SGCZ: variants seen among roughly 807,000 people sequenced by gnomAD.
SGCZ encodes the protein zeta-sarcoglycan.
A neutral mutation model predicts 41.3 loss-of-function variants in SGCZ; 40 were observed. The observed-to-expected ratio is 0.97, with a 90% CI of 0.75 to 1.26. SGCZ has a LOEUF of 1.26. Ranked by LOEUF, SGCZ falls within the 50% of genes most tolerant of loss-of-function variation. SGCZ has a pLI of 0.00. For synonymous variants in SGCZ, 206 were observed against 137.5 expected, an observed-to-expected ratio of 1.50 and a Z score of -3.49; for missense variants, 552 against 369.8, an observed-to-expected ratio of 1.49 and a Z score of -4.04.
intron 1 of SGCZ, among the ~76,000 whole-genome samples, chr8:14,902,885 C>A (rs1179542192): frequency 6.6e-6 from 1 of 151,998 alleles, no homozygotes; most frequent in East Asian, 1.9e-4. Context: ...ATATTTATTT[C>A]TAATGAATAT....
chr8:15,145,759 T>C (rs1799019496), intron 1 of SGCZ, among the ~76,000 whole-genome samples: 1 of 152,182 alleles, frequency 6.6e-6, no homozygotes, highest in African/African-American at 2.4e-5. Context: ...TGGCCCTCCA[T>C]CTTCCTAAAG....
chr8:15,222,202 G>T (rs111317455), intron 1 of SGCZ, among the ~76,000 whole-genome samples: 1 of 152,080 alleles, frequency 6.6e-6, no homozygotes, highest in East Asian at 1.9e-4. Flanking sequence ...AAAAGTATTT[G>T]CCTTAAAATA....
intron 1 of SGCZ, among the ~76,000 whole-genome samples, chr8:15,017,332 C>G (rs1207138676): frequency 6.6e-6 from 1 of 152,140 alleles, no homozygotes; most frequent in Non-Finnish European, 1.5e-5. Context: ...ACCTGTATTG[C>G]AACTGCTATG....
chr8:14,409,875 A>G (rs565822322), intron 2 of SGCZ, among the ~76,000 whole-genome samples: 14 of 152,340 alleles, frequency 9.2e-5, no homozygotes, highest in African/African-American at 3.1e-4. Flanking sequence ...TTATTTATAC[A>G]CATAATAAAT....
intron 1 of SGCZ, among the ~76,000 whole-genome samples, chr8:15,133,922 T>C (rs1410310202): frequency 2.0e-5 from 3 of 152,198 alleles, no homozygotes; most frequent in African/African-American, 7.2e-5. Context: ...AAGCCTGGTA[T>C]TAGGCATCTA....
chr8:14,599,298 C>G (rs1160015115), intron 1 of SGCZ, among the ~76,000 whole-genome samples: 1 of 152,166 alleles, frequency 6.6e-6, no homozygotes, highest in Non-Finnish European at 1.5e-5. Context: ...ATAATCAGTA[C>G]CTTGTATACA....
intron 1 of SGCZ, among the ~76,000 whole-genome samples, chr8:14,708,316 CTCT>C (rs1244619327): frequency 2.6e-5 from 4 of 151,824 alleles, no homozygotes; most frequent in African/African-American, 9.7e-5. Flanking sequence ...GCACAGAAAT[CTCT>C]TGAGATAGTA....
intron 1 of SGCZ, among the ~76,000 whole-genome samples, chr8:14,942,141 G>C (rs549160319): frequency 6.6e-6 from 1 of 151,974 alleles, no homozygotes; most frequent in Admixed American, 6.6e-5. Flanking sequence ...GCATTGTCTG[G>C]GTCCAGGATC....
At chr8:14,258,726 C>T (rs1012826654) in intron 3 of SGCZ, among the ~76,000 whole-genome samples, 2 of 151,956 alleles carry the variant, frequency 1.3e-5, no homozygotes, top group African/African-American at 4.8e-5. Flanking sequence ...CAGGCAAAAC[C>T]CACATTAAAC....
At chr8:14,481,235 C>A (rs1484712449) in intron 2 of SGCZ, among the ~76,000 whole-genome samples, 2 of 152,094 alleles carry the variant, frequency 1.3e-5, no homozygotes, top group African/African-American at 4.8e-5. Context: ...TATTTCAACA[C>A]AGGGCAGGAT....
rs1416113858 is a variant in SGCZ, at chr8:14,807,402, G to GA, written c.40-252477dup. Among the ~76,000 whole-genome samples the GA allele has an allele frequency of 5.3e-5, 8 of 152,208 alleles. No homozygotes were observed. In the South Asian group the frequency reaches 1.7e-3, roughly 32 times the overall value. On this transcript the variant is annotated intron_variant, in intron 1 of 7. Coordinates refer to ENST00000382080, the MANE Select transcript of SGCZ (RefSeq NM_139167.4). ...CAAAGTCTCAGGACACAAAATCAATGAGCAAAAATGACAGGCATTCTTATA... is the reference window on the plus strand; with the variant it reads ...CAAAGTCTCAGGACACAAAATCAATGAAGCAAAAATGACAGGCATTCTTATA...
chr8:14,611,268 T>A (rs998325492), intron 1 of SGCZ, among the ~76,000 whole-genome samples: 3 of 152,190 alleles, frequency 2.0e-5, no homozygotes, highest in African/African-American at 7.2e-5. Context: ...CCTATCATTT[T>A]TATTCCCTTT....
intron 1 of SGCZ, among the ~76,000 whole-genome samples, chr8:14,689,283 C>T (rs1808722458): frequency 6.6e-6 from 1 of 151,836 alleles, no homozygotes; most frequent in Non-Finnish European, 1.5e-5. Context: ...TAAGCAGTGG[C>T]AAAATGGTAA....
At chr8:14,500,418 AC>A (rs1224289431) in intron 2 of SGCZ, among the ~76,000 whole-genome samples, 1 of 146,470 alleles carries the variant, frequency 6.8e-6, no homozygotes, top group African/African-American at 2.5e-5. Context: ...ACAAATCTAA[AC>A]AAAAGTTTGT....
intron 2 of SGCZ, among the ~76,000 whole-genome samples, chr8:14,425,922 G>C (rs936999464): frequency 2.0e-5 from 3 of 152,090 alleles, no homozygotes; most frequent in African/African-American, 7.2e-5. Flanking sequence ...AAGAAAAAAT[G>C]GAAAAGGCAG....
In SGCZ at chr8:15,102,851, C is replaced by A. The variant is rs546456961; in HGVS notation, c.39+134734G>T. 2.6e-5 allele frequency among the ~76,000 whole-genome samples: 4 copies of A among 152,154 alleles called. No homozygotes were observed. In the East Asian group the frequency reaches 5.8e-4, roughly 22 times the overall value. On this transcript the variant is annotated intron_variant, in intron 1 of 7. Transcript: ENST00000382080. ...AATGAATCTTATCATCTAATTTAAA[C>A]CACTGTTAATAGAGCAACACTTACC... is the stretch of plus-strand genomic sequence containing the variant.
At chr8:14,222,550 C>A (rs1269847023) in intron 4 of SGCZ, among the ~76,000 whole-genome samples, 2 of 152,028 alleles carry the variant, frequency 1.3e-5, no homozygotes, top group African/African-American at 2.4e-5. Context: ...CTTCCTTCTG[C>A]AGCTTCTGAC....
At chr8:14,752,458 A>G (rs1799528504) in intron 1 of SGCZ, among the ~76,000 whole-genome samples, 1 of 152,138 alleles carries the variant, frequency 6.6e-6, no homozygotes, top group Middle Eastern at 3.2e-3. Flanking sequence ...ACTGCATTTC[A>G]TTATTCTCTT....
At position 14,086,662 on chromosome 8, in the gene SGCZ, C is replaced by T. The variant is rs1386155600; in HGVS notation, c.*3781G>A. ...CATTATTTTCCTTTTTAACGTCAAC[C>T]ATATTACTGAATCCTGTTAACCAGG... On this transcript the variant is annotated 3_prime_UTR_variant, in exon 8 of 8. Transcript: ENST00000382080. Among the ~76,000 whole-genome samples, 2 of 151,546 alleles carry T rather than the reference C, an allele frequency of 1.3e-5. No homozygotes were observed. The highest frequency in any genetic ancestry group is 4.8e-5 in the African/African-American group (2 of 41,354).
Sources: gnomAD v4.1 joint callset for allele counts (sites outside exome capture counted in the v4.1 genomes callset) on GRCh38, gnomAD v4.1.1 for gene constraint, MANE v1.5 for transcripts, NCBI Gene and HGNC (gene_info 2026-07-23, HGNC 2026-07-21) for gene names.